Variants in NWD2 observed in about 807,000 individuals in gnomAD.
NWD2 encodes the protein NACHT and WD repeat domain containing 2, also known as NACHT and WD repeat domain-containing protein 2.
A neutral mutation model predicts 132.7 loss-of-function variants in NWD2; 37 were observed. The observed-to-expected ratio is 0.28, with a 90% CI of 0.21 to 0.37. The LOEUF (loss-of-function observed/expected upper bound fraction) is 0.37, where lower values mean the gene tolerates loss of function less well. NWD2 is among the 10% of genes least tolerant of loss of function. NWD2 has a pLI of 1.00. For synonymous variants in NWD2, 705 were observed against 803.0 expected, an observed-to-expected ratio of 0.88 and a Z score of 2.06; for missense variants, 1,592 against 2,122.4, an observed-to-expected ratio of 0.75 and a Z score of 4.91.
chr4:37,339,145 T>A (rs756041856), intron 2 of NWD2, among the ~76,000 whole-genome samples: 1 of 152,178 alleles, frequency 6.6e-6, no homozygotes, highest in Non-Finnish European at 1.5e-5. Flanking sequence ...CCTTACCAAG[T>A]TGACATTCCC....
chr4:37,447,146 C>G lies in NWD2; in HGVS notation c.5158C>G (p.His1720Asp). The G allele has an allele frequency of 1.3e-6, 2 of 1,551,424 alleles. No homozygotes were observed. The highest frequency in any genetic ancestry group is 1.7e-6 in the Non-Finnish European group (2 of 1,147,006). Residue 1720 changes from histidine to aspartate, a missense_variant, in exon 7 of 7, where the codon CAC becomes GAC. Around this residue, in one of 7 missense-constraint regions of NWD2, gnomAD observed 257 missense variants for 335.0 expected, o/e 0.77. Coordinates refer to ENST00000309447, the MANE Select transcript of NWD2 (RefSeq NM_001144990.2). ...ESNEATPSKK[H>D]NSCYERVCSA... ...CAATGAAGCAACACCCTCCAAGAAA[C>G]ACAACTCTTGTTATGAGCGGGTATG...
At position 37,423,243 on chromosome 4, in the gene NWD2, A is replaced by C. The variant is rs545117519; in HGVS notation, c.358-7329A>C. ...ATGACCTTTCTTAAAGACCTTATCT[A>C]GATTATCTTTAATGTGGACATTATT... On this transcript the variant is annotated intron_variant, in intron 3 of 6. Coordinates refer to ENST00000309447, the MANE Select transcript of NWD2 (RefSeq NM_001144990.2). Among the ~76,000 whole-genome samples the C allele has an allele frequency of 9.6e-4, 146 of 152,282 alleles. 3 individuals carry two copies. The South Asian group carries it at 0.028, about 29-fold the overall frequency.
At chr4:37,403,457 A>T (rs1345090048) in intron 3 of NWD2, among the ~76,000 whole-genome samples, 1 of 152,144 alleles carries the variant, frequency 6.6e-6, no homozygotes, top group East Asian at 1.9e-4. Flanking sequence ...CAACTATAAG[A>T]ACATTCGTGC....
chr4:37,253,363 A>T (rs1435632231), intron 1 of NWD2, among the ~76,000 whole-genome samples: 2 of 152,146 alleles, frequency 1.3e-5, no homozygotes, highest in Non-Finnish European at 2.9e-5. Context: ...CACTCACTGG[A>T]GGTGGTGGAC....
At chr4:37,382,807 C>T (rs1398130823) in intron 3 of NWD2, among the ~76,000 whole-genome samples, 1 of 152,118 alleles carries the variant, frequency 6.6e-6, no homozygotes, top group Non-Finnish European at 1.5e-5. Flanking sequence ...TCTTGTGCCT[C>T]AGCCTCCCGA....
At chr4:37,253,047 T>C (rs11932701) in intron 1 of NWD2, among the ~76,000 whole-genome samples, 3,998 of 148,924 alleles carry the variant, frequency 0.027, 166 homozygotes, top group African/African-American at 0.088. Context: ...CCCTTTGTTA[T>C]AATTAGATTA....
At chr4:37,433,258 A>G (rs964886218) in intron 4 of NWD2, among the ~76,000 whole-genome samples, 1 of 152,196 alleles carries the variant, frequency 6.6e-6, no homozygotes, top group African/African-American at 2.4e-5. Flanking sequence ...AGTTTCTACC[A>G]TGATCTGGGG....
intron 3 of NWD2, among the ~76,000 whole-genome samples, chr4:37,402,505 G>A (rs1720913460): frequency 6.6e-6 from 1 of 152,138 alleles, no homozygotes. Context: ...GGTATTATAG[G>A]GAAGAAGACA....
At chr4:37,345,710 G>T (rs1719621081) in intron 2 of NWD2, among the ~76,000 whole-genome samples, 1 of 152,032 alleles carries the variant, frequency 6.6e-6, no homozygotes, top group Non-Finnish European at 1.5e-5. Flanking sequence ...TTTTAAGTAG[G>T]TTCAATTTAT....
chr4:37,263,802 G>C (rs886510881), intron 1 of NWD2, among the ~76,000 whole-genome samples: 2 of 152,128 alleles, frequency 1.3e-5, no homozygotes, highest in Non-Finnish European at 2.9e-5. Context: ...ACTAGAACTG[G>C]CTGTGAGTTA....
At chr4:37,297,717 C>T (rs996554138) in intron 1 of NWD2, among the ~76,000 whole-genome samples, 4 of 152,122 alleles carry the variant, frequency 2.6e-5, no homozygotes, top group Non-Finnish European at 5.9e-5. Flanking sequence ...AAGGACTATA[C>T]ATCAGTTATT....
intron 1 of NWD2, among the ~76,000 whole-genome samples, chr4:37,248,968 T>C (rs2109253986): frequency 6.6e-6 from 1 of 152,290 alleles, no homozygotes; most frequent in Admixed American, 6.5e-5. Flanking sequence ...TATGAATAGG[T>C]GTATAAGGAA....
intron 1 of NWD2, among the ~76,000 whole-genome samples, chr4:37,259,479 G>A (rs553834046): frequency 6.6e-6 from 1 of 152,284 alleles, no homozygotes; most frequent in South Asian, 2.1e-4. Context: ...ATGGCATGAA[G>A]TGTCTTCCTC....
At chr4:37,388,196 T>C (rs1229477591) in intron 3 of NWD2, among the ~76,000 whole-genome samples, 4 of 152,064 alleles carry the variant, frequency 2.6e-5, no homozygotes, top group African/African-American at 9.7e-5. Flanking sequence ...GTGTTTTGTT[T>C]TGTTTTTTTA....
Position 37,348,292 on chromosome 4 carries a change from C to A in NWD2, c.241-8074C>A, listed in dbSNP as rs1219219292. On this transcript the variant is annotated intron_variant, in intron 2 of 6. Coordinates refer to ENST00000309447, the MANE Select transcript of NWD2 (RefSeq NM_001144990.2). ...GTTAACATTCAACATTTAACAAGTTCTTTAACATACTAATGGCCTCAGCCA... is the reference window on the plus strand; with the variant it reads ...GTTAACATTCAACATTTAACAAGTTATTTAACATACTAATGGCCTCAGCCA... 3.3e-5 allele frequency among the ~76,000 whole-genome samples: 5 copies of A among 152,262 alleles called. No individual in the cohort carries two copies. The South Asian group carries it at 1.0e-3, about 32-fold the overall frequency.
chr4:37,438,722 C>T (rs994905407), intron 5 of NWD2, 79 bp from the exon 6 acceptor site: 4 of 888,212 alleles, frequency 4.5e-6, no homozygotes, highest in Non-Finnish European at 5.1e-6. Flanking sequence ...CCACTAATGA[C>T]TAAGTGTTGA....
chr4:37,273,516 G>C (rs1009268389), intron 1 of NWD2, among the ~76,000 whole-genome samples: 10 of 152,060 alleles, frequency 6.6e-5, no homozygotes, highest in Non-Finnish European at 1.5e-4. Flanking sequence ...ACATTAGACA[G>C]AGCAATGAGA....
intron 3 of NWD2, among the ~76,000 whole-genome samples, chr4:37,415,848 T>C (rs6816754): frequency 0.14 from 21,418 of 152,070 alleles, 1,628 homozygotes; most frequent in East Asian, 0.29. Context: ...GACGCTGATA[T>C]CACCATTTAA....
chr4:37,250,680 C>T (rs531898770), intron 1 of NWD2, among the ~76,000 whole-genome samples: 1 of 152,288 alleles, frequency 6.6e-6, no homozygotes, highest in Admixed American at 6.5e-5. Flanking sequence ...TAAATATATC[C>T]TGCCCTCAAG....
Sources: gnomAD v4.1 joint callset for allele counts (sites outside exome capture counted in the v4.1 genomes callset) on GRCh38, gnomAD v4.1.1 for gene constraint, gnomAD v4.1.1 regional missense constraint, MANE v1.5 for transcripts, NCBI Gene and HGNC (gene_info 2026-07-23, HGNC 2026-07-21) for gene names.